WDFY4: variants seen among roughly 807,000 people sequenced by gnomAD.
WDFY4 encodes the protein WDFY family member 4.
WDFY4 carries 169 observed loss-of-function variants against 351.9 expected under a neutral mutation model. The ratio of observed to expected loss-of-function variants is 0.48; its 90% CI spans 0.42 to 0.55. The LOEUF is 0.55. Among genes scored for constraint, WDFY4 ranks in the 20% least tolerant of loss-of-function variants. The pLI, the probability that WDFY4 is intolerant of heterozygous loss-of-function variation, is 0.00. For synonymous variants in WDFY4, 1,622 were observed against 1,574.6 expected, an observed-to-expected ratio of 1.03 and a Z score of -0.71; for missense variants, 3,803 against 3,935.6, an observed-to-expected ratio of 0.97 and a Z score of 0.90.
chr10:48,721,381 C>A lies in WDFY4; in HGVS notation c.456+14C>A, dbSNP rs183931274. ...GGGACAGACTCGGTAAGTTTCAGAC[C>A]ATCAGCCTCTGCCCTGGGCACTGCT... is the stretch of plus-strand genomic sequence containing the variant. On this transcript the variant is annotated intron_variant, in intron 4 of 61. Transcript: ENST00000325239. The A allele has an allele frequency of 2.1e-5, 32 of 1,551,020 alleles. No individual in the cohort carries two copies. In the Middle Eastern group the frequency reaches 5.0e-4, roughly 24 times the overall value.
rs970607584 is a variant in WDFY4 at position 48,830,839 on chromosome 10, A to G, written c.6480A>G (p.Thr2160=). 8 of 1,551,606 alleles carry G rather than the reference A, an allele frequency of 5.2e-6. No individual in the cohort carries two copies. The highest frequency in any genetic ancestry group is 2.4e-5 in the South Asian group (2 of 84,054). The change falls in exon 38 of 62, where the codon ACA becomes ACG. Residue 2160 remains threonine (T), a synonymous_variant. Transcript: ENST00000325239. Reference sequence around the variant, plus strand: ...GGGAAGTGAAGATTGAAGAGGTCACACCGCTCTGGGAGGAGACGATGCTCA... The same window carrying G: ...GGGAAGTGAAGATTGAAGAGGTCACGCCGCTCTGGGAGGAGACGATGCTCA... ...GEREVKIEEV[T]PLWEETMLKA...
chr10:48,698,436 G>T (rs79136056), intron 1 of WDFY4, among the ~76,000 whole-genome samples: 6,636 of 152,316 alleles, frequency 0.044, 159 homozygotes, highest in Middle Eastern at 0.095. Flanking sequence ...ATCAGACCAA[G>T]ATTTCCATGA....
At chr10:48,853,246 G>A (rs1289462369) in intron 39 of WDFY4, among the ~76,000 whole-genome samples, 1 of 152,046 alleles carries the variant, frequency 6.6e-6, no homozygotes, top group Non-Finnish European at 1.5e-5. Flanking sequence ...TGACTCACAA[G>A]TCCACATGGC....
rs1035139281 is a variant in WDFY4 at position 48,813,946 on chromosome 10, T to C, written c.5215-11T>C. The C allele has an allele frequency of 5.9e-6, 9 of 1,528,974 alleles. No homozygotes were observed. In the Admixed American group the frequency reaches 1.7e-4, roughly 28 times the overall value. 94.7% of individuals were successfully genotyped at this position (1,528,974 alleles called of 1,614,324 possible). A position where few individuals can be genotyped will look rare whatever the true frequency, so the allele number is the denominator to read the frequency against. On this transcript the variant is annotated splice_polypyrimidine_tract_variant and intron_variant, in intron 30 of 61. Transcript: ENST00000325239. The stretch of plus-strand genomic sequence containing the variant: ...CGCAGGTCTGCTTACAGCTCCTGCC[T>C]CCTCTTCCAGGACAGCCTTGATGCC...
intron 53 of WDFY4, among the ~76,000 whole-genome samples, chr10:48,961,795 A>G (rs1223879867): frequency 6.6e-6 from 1 of 152,236 alleles, no homozygotes; most frequent in Non-Finnish European, 1.5e-5. Flanking sequence ...GAGTACAGCT[A>G]GATCTCATGC....
chr10:48,698,267 C>T (rs996815071), intron 1 of WDFY4, among the ~76,000 whole-genome samples: 45 of 152,302 alleles, frequency 3.0e-4, no homozygotes, highest in African/African-American at 9.9e-4. Flanking sequence ...TGTCTTCTAG[C>T]GTGGGAGATT....
At chr10:48,726,204 C>A in intron 6 of WDFY4, 134 bp downstream of exon 6, 4 of 1,067,076 alleles carry the variant, frequency 3.7e-6, no homozygotes, top group South Asian at 1.8e-5. Flanking sequence ...ATTTTGGGAC[C>A]AAAGAAGAGA....
At chr10:48,890,546 G>T (rs1356973009) in intron 43 of WDFY4, 33 bp from the exon 44 acceptor site, 1 of 1,551,170 alleles carries the variant, frequency 6.4e-7, no homozygotes, top group African/African-American at 1.4e-5. Context: ...TGCTTCCTGT[G>T]CACCACCTGA....
At chr10:48,788,326 G>A (rs2066563281) in intron 20 of WDFY4, among the ~76,000 whole-genome samples, 1 of 152,166 alleles carries the variant, frequency 6.6e-6, no homozygotes, top group African/African-American at 2.4e-5. Flanking sequence ...ACCATGCCCA[G>A]CCCACGGTTT....
At chr10:48,794,011 C>G (rs1002106319) in intron 23 of WDFY4, among the ~76,000 whole-genome samples, 1 of 152,124 alleles carries the variant, frequency 6.6e-6, no homozygotes, top group Admixed American at 6.6e-5. Context: ...TAAAACACTT[C>G]CAGGAGCTGG....
intron 48 of WDFY4, 70 bp downstream of exon 48, chr10:48,941,918 G>A: frequency 6.9e-7 from 1 of 1,441,486 alleles, no homozygotes; most frequent in Non-Finnish European, 9.5e-7. Context: ...CCCCAGCGAT[G>A]GAGAGGAAGT....
At chr10:48,804,562 C>CAAAAA (rs58660119) in intron 25 of WDFY4, among the ~76,000 whole-genome samples, 3 of 101,632 alleles carry the variant, frequency 3.0e-5, no homozygotes, top group Admixed American at 1.0e-4. Context: ...TGTGTTAATA[C>CAAAAA]AAAAAAAAAA....
At chr10:48,888,414 A>G (rs112764549) in intron 43 of WDFY4, among the ~76,000 whole-genome samples, 2 of 151,238 alleles carry the variant, frequency 1.3e-5, no homozygotes, top group East Asian at 3.9e-4. Flanking sequence ...TCTTGTTTAG[A>G]TACACCCACT....
intron 13 of WDFY4, among the ~76,000 whole-genome samples, chr10:48,765,079 A>G (rs1345141728): frequency 6.6e-6 from 1 of 152,250 alleles, no homozygotes; most frequent in East Asian, 1.9e-4. Context: ...GAACACATGG[A>G]TGAAAAGGCT....
chr10:48,824,186 A>C (rs938855942), intron 35 of WDFY4: 1 of 985,434 alleles, frequency 1.0e-6, no homozygotes, highest in East Asian at 1.1e-4. Context: ...TATGGTGGTT[A>C]AGAGCGTGGC....
chr10:48,746,126 C>G (rs944700778), intron 12 of WDFY4: 1 of 153,556 alleles, frequency 6.5e-6, no homozygotes, highest in Non-Finnish European at 1.5e-5. Context: ...CCTGCCCCTC[C>G]GCTACCTGCG....
chr10:48,912,128 C>T (rs2133482163), intron 47 of WDFY4, among the ~76,000 whole-genome samples: 2 of 152,290 alleles, frequency 1.3e-5, no homozygotes, highest in Middle Eastern at 3.4e-3. Context: ...GAGTGTGGTA[C>T]ACAGGGAGGC....
chr10:48,977,515 G>A (rs1348959281), intron 59 of WDFY4, among the ~76,000 whole-genome samples: 3 of 152,036 alleles, frequency 2.0e-5, no homozygotes, highest in South Asian at 4.2e-4. Context: ...GCAGGCTGAG[G>A]TACCTAGGCA....
intron 47 of WDFY4, among the ~76,000 whole-genome samples, chr10:48,927,180 A>G (rs887619062): frequency 1.3e-5 from 2 of 152,086 alleles, no homozygotes; most frequent in African/African-American, 2.4e-5. Context: ...TGCTGTTGCC[A>G]AACAGCAGCC....
Sources: allele counts gnomAD v4.1 joint callset (sites outside exome capture counted in the v4.1 genomes callset), GRCh38; gene constraint gnomAD v4.1.1; transcripts MANE v1.5; gene names NCBI Gene and HGNC (gene_info 2026-07-23, HGNC 2026-07-21).